The following NCALD variants were observed in gnomAD, a reference collection of about 807,000 sequenced individuals.
NCALD encodes the protein neurocalcin delta, also known as neurocalcin-delta.
Under a neutral mutation model 18.6 loss-of-function variants are expected in NCALD, and 10 were observed. The ratio of observed to expected loss-of-function variants is 0.54; its 90% CI spans 0.33 to 0.91. The LOEUF is 0.91. Among genes scored for constraint, NCALD ranks in the 40% least tolerant of loss-of-function variants. NCALD has a pLI of 0.03. For synonymous variants in NCALD, 88 were observed against 87.4 expected (o/e 1.01, Z -0.04); for missense variants, 184 against 247.6 (o/e 0.74, Z 1.72).
rs185613807 is a variant in NCALD, at chr8:102,012,565, G to A, written c.-157+7672C>T. Among the ~76,000 whole-genome samples, 501 of 152,322 alleles carry A rather than the reference G, an allele frequency of 3.3e-3. 4 individuals are homozygous for A. The highest frequency in any genetic ancestry group is 5.5e-3 in the Non-Finnish European group (377 of 68,024). ...ACACTCCTCTAGTGCGGGGAGTAGCGGGATGTGTAATCACAGGAGCTACTG... is the reference window on the plus strand; with the variant it reads ...ACACTCCTCTAGTGCGGGGAGTAGCAGGATGTGTAATCACAGGAGCTACTG... On this transcript the variant is annotated intron_variant, in intron 2 of 6. Transcript: ENST00000311028.
chr8:101,736,243 C>T (rs1392196579), intron 1 of NCALD, among the ~76,000 whole-genome samples: 2 of 152,166 alleles, frequency 1.3e-5, no homozygotes, highest in African/African-American at 4.8e-5. Context: ...AGTAGAAAAC[C>T]TGTTCGTATC....
At chr8:102,023,339 C>T (rs913347471) in intron 1 of NCALD, among the ~76,000 whole-genome samples, 1 of 56,822 alleles carries the variant, frequency 1.8e-5, no homozygotes, top group Non-Finnish European at 3.4e-5. Context: ...AGAGAGGAAT[C>T]ACACTGGGTT....
At chr8:101,906,388 C>T (rs1018804959) in intron 3 of NCALD, among the ~76,000 whole-genome samples, 1 of 152,162 alleles carries the variant, frequency 6.6e-6, no homozygotes, top group Admixed American at 6.5e-5. Flanking sequence ...TCCTGCAACA[C>T]GCCACATGGT....
At chr8:101,691,903 C>T (rs1465315503) in intron 3 of NCALD, 4 of 985,288 alleles carry the variant, frequency 4.1e-6, no homozygotes, top group Admixed American at 6.2e-5. Flanking sequence ...ATCGGGTGAG[C>T]TGATAATAAC....
At chr8:101,732,201 T>G (rs1816863876) in intron 1 of NCALD, among the ~76,000 whole-genome samples, 1 of 152,224 alleles carries the variant, frequency 6.6e-6, no homozygotes. Context: ...AAATATTATC[T>G]TACTTAAAAC....
At chr8:101,692,178 T>G in intron 3 of NCALD, 2 of 985,446 alleles carry the variant, frequency 2.0e-6, no homozygotes, top group Non-Finnish European at 2.4e-6. Context: ...TGTTCTTAAG[T>G]TGGAAATGCA....
intron 2 of NCALD, among the ~76,000 whole-genome samples, chr8:101,697,961 A>G (rs185540129): frequency 2.6e-5 from 4 of 152,326 alleles, no homozygotes; most frequent in Admixed American, 2.0e-4. Flanking sequence ...AGAGAAAGAA[A>G]TAAAGCATAT....
chr8:102,009,866 A>G (rs1387192991), intron 2 of NCALD, among the ~76,000 whole-genome samples: 1 of 152,232 alleles, frequency 6.6e-6, no homozygotes, highest in African/African-American at 2.4e-5. Flanking sequence ...ACCTCAGGAA[A>G]AAAGCTCTTA....
At chr8:101,739,758 C>T (rs1420066080) in intron 1 of NCALD, among the ~76,000 whole-genome samples, 5 of 152,194 alleles carry the variant, frequency 3.3e-5, no homozygotes, top group Non-Finnish European at 7.4e-5. Flanking sequence ...GCACTGTCGG[C>T]TTCCCTACTT....
chr8:101,837,312 T>C (rs938458012), intron 4 of NCALD, among the ~76,000 whole-genome samples: 2 of 152,196 alleles, frequency 1.3e-5, no homozygotes, highest in African/African-American at 4.8e-5. Flanking sequence ...GTCCTCTCAG[T>C]GTCTAGTGCG....
At chr8:101,812,842 C>A (rs761390392) in intron 4 of NCALD, among the ~76,000 whole-genome samples, 1 of 152,128 alleles carries the variant, frequency 6.6e-6, no homozygotes, top group Non-Finnish European at 1.5e-5. Flanking sequence ...ACCAATAATT[C>A]CTCTTTTTTC....
chr8:101,877,643 A>G (rs1816283001), intron 4 of NCALD, among the ~76,000 whole-genome samples: 1 of 152,238 alleles, frequency 6.6e-6, no homozygotes, highest in Non-Finnish European at 1.5e-5. Flanking sequence ...TATGTATGCT[A>G]TAACATGGAC....
chr8:101,768,951 G>A lies in NCALD; in HGVS notation c.-20+21911C>T, dbSNP rs549244957. On this transcript the variant is annotated intron_variant, in intron 1 of 3. Coordinates refer to ENST00000220931, the MANE Select transcript of NCALD (RefSeq NM_032041.3). The stretch of plus-strand genomic sequence containing the variant: ...AGGAGGGAAGGTTATTCTTATTCTG[G>A]ATTATTCAGGTGTGTCCAGTGTTAT... Among the ~76,000 whole-genome samples, 14 of 152,238 alleles carry A rather than the reference G, an allele frequency of 9.2e-5. No homozygotes were observed. In the South Asian group the frequency reaches 2.9e-3, roughly 32 times the overall value.
At chr8:101,712,580 T>G (rs9649917) in intron 2 of NCALD, among the ~76,000 whole-genome samples, 27,409 of 64,450 alleles carry the variant, frequency 0.43, 3,300 homozygotes, top group Admixed American at 0.54. Flanking sequence ...ACCAAACAAA[T>G]GGAAAGCAAA....
chr8:101,804,266 A>C (rs896191743), intron 4 of NCALD, among the ~76,000 whole-genome samples: 26 of 135,008 alleles, frequency 1.9e-4, no homozygotes, highest in Middle Eastern at 3.7e-3. Context: ...AAAATGCATT[A>C]TCTCTAAATA....
At chr8:101,716,374 C>T (rs541593904) in intron 2 of NCALD, among the ~76,000 whole-genome samples, 8 of 152,038 alleles carry the variant, frequency 5.3e-5, no homozygotes, top group East Asian at 3.9e-4. Flanking sequence ...ATGTAAATGA[C>T]GGGTTGATGG....
Position 101,903,258 on chromosome 8 carries a change from G to A in NCALD, c.-107+12551C>T, listed in dbSNP as rs1410660910. On this transcript the variant is annotated intron_variant, in intron 3 of 6. Coordinates refer to the NCALD transcript ENST00000311028. Reference sequence around the variant, plus strand: ...TATCACCAGGCTGGAGTGCAGTGGCGTGATCTCAGCTCACTGCAACCTCCG... The same window carrying A: ...TATCACCAGGCTGGAGTGCAGTGGCATGATCTCAGCTCACTGCAACCTCCG... 3.3e-5 allele frequency among the ~76,000 whole-genome samples: 5 copies of A among 149,508 alleles called. 1 individual carries two copies. Among genetic ancestry groups the A allele is most frequent in the Admixed American group, 2.7e-4 (4 of 14,978 alleles).
chr8:102,111,714 T>C (rs1825645894), intron 1 of NCALD, among the ~76,000 whole-genome samples: 1 of 152,190 alleles, frequency 6.6e-6, no homozygotes, highest in Admixed American at 6.6e-5. Context: ...TTTAAGGCCC[T>C]ATCTCAAATA....
chr8:101,752,386 A>G (rs1375686856), intron 1 of NCALD, among the ~76,000 whole-genome samples: 5 of 152,234 alleles, frequency 3.3e-5, no homozygotes, highest in Admixed American at 3.3e-4. Flanking sequence ...CTAACAGAGA[A>G]AAACAAACCT....
Sources: allele counts gnomAD v4.1 joint callset (sites outside exome capture counted in the v4.1 genomes callset), GRCh38; gene constraint gnomAD v4.1.1; transcripts MANE v1.5; gene names NCBI Gene and HGNC (gene_info 2026-07-23, HGNC 2026-07-21).